FRMPD4: variants seen among roughly 807,000 people sequenced by gnomAD.
The protein encoded by FRMPD4 is FERM and PDZ domain-containing protein 4.
In FRMPD4, 22 loss-of-function variants were observed where a neutral mutation model predicts 94.1. The ratio of observed to expected loss-of-function variants is 0.23; its 90% CI spans 0.17 to 0.33. The LOEUF (loss-of-function observed/expected upper bound fraction) is 0.33. FRMPD4 is among the 10% of genes least tolerant of loss of function. The probability of loss-of-function intolerance (pLI) is 1.00; values close to 1 mark genes in which losing one functional copy is unlikely to be tolerated. For synonymous variants in FRMPD4, 631 were observed against 548.6 expected, an observed-to-expected ratio of 1.15 and a Z score of -2.10; for missense variants, 1,111 against 1,339.9, an observed-to-expected ratio of 0.83 and a Z score of 2.67.
chrX:12,413,513 G>A (rs773119014), intron 1 of FRMPD4, among the ~76,000 whole-genome samples: 8 of 112,028 alleles, frequency 7.1e-5, no homozygotes, highest in Admixed American at 2.8e-4. Flanking sequence ...CAAAGGCAAA[G>A]GAAGAGGCAG....
At chrX:12,444,024 G>A (rs2057167328) in intron 1 of FRMPD4, among the ~76,000 whole-genome samples, 2 of 111,234 alleles carry the variant, frequency 1.8e-5, no homozygotes, top group Admixed American at 1.9e-4. Context: ...CTGTCCACCT[G>A]ATGGTTTTCG....
chrX:12,062,367 A>C (rs912049941), intron 3 of FRMPD4, among the ~76,000 whole-genome samples: 17 of 112,311 alleles, frequency 1.5e-4, no homozygotes, highest in Non-Finnish European at 2.8e-4. Flanking sequence ...CAATTTTCTC[A>C]ATATTGAGTC....
chrX:12,288,552 G>A, intron 1 of FRMPD4, among the ~76,000 whole-genome samples: 1 of 111,348 alleles, frequency 9.0e-6, no homozygotes, highest in Non-Finnish European at 1.9e-5. Flanking sequence ...AGGAAGAAAT[G>A]AGAAAGCTTC....
At chrX:11,901,651 G>A (rs1245398313) in intron 3 of FRMPD4, among the ~76,000 whole-genome samples, 1 of 112,015 alleles carries the variant, frequency 8.9e-6, no homozygotes, top group Non-Finnish European at 1.9e-5. Context: ...TCCACTTTTA[G>A]TTCCTTAAGG....
chrX:12,188,816 T>C (rs747729340), intron 1 of FRMPD4, among the ~76,000 whole-genome samples: 9 of 111,669 alleles, frequency 8.1e-5, no homozygotes, highest in Non-Finnish European at 1.7e-4. Context: ...CATCAAATTA[T>C]AGCATTCAAG....
chrX:12,416,183 G>T (rs4373695), intron 1 of FRMPD4, among the ~76,000 whole-genome samples: 1 of 105,653 alleles, frequency 9.5e-6, no homozygotes, highest in African/African-American at 3.4e-5. Context: ...TACCTCTTCC[G>T]CCCTTCCTCC....
chrX:12,501,089 G>A (rs928484560), intron 2 of FRMPD4, among the ~76,000 whole-genome samples: 3 of 112,102 alleles, frequency 2.7e-5, no homozygotes, highest in Admixed American at 9.4e-5. Context: ...TTCTGGGAAC[G>A]TCAGCTAGCT....
At position 12,704,409 on chromosome X, in the gene FRMPD4, T is replaced by C; in HGVS notation, c.1121T>C (p.Met374Thr). ...CTTCCCTCTGCTGTGCTGCAAAGCA[T>C]GAAAGAGAAGAACATAAAGAAAGCA... ...TFLPSAVLQS[M>T]KEKNIKKALS... Residue 374 changes from methionine (M) to threonine (T), a missense_variant, in exon 11 of 17, where the codon ATG (methionine) becomes ACG (threonine). Physicochemically the swap from Met to Thr is moderately conservative, Grantham distance 81. Coordinates refer to ENST00000675598, the MANE Select transcript of FRMPD4 (RefSeq NM_001368397.1). 1.7e-6 allele frequency: 2 copies of C among 1,186,504 alleles called. No homozygotes were observed. Among genetic ancestry groups the C allele is most frequent in the Non-Finnish European group, 1.1e-6 (1 of 875,427 alleles).
intron 1 of FRMPD4, among the ~76,000 whole-genome samples, chrX:12,431,999 G>T (rs2057015636): frequency 1.8e-5 from 2 of 112,146 alleles, no homozygotes; most frequent in South Asian, 7.4e-4. Context: ...GAGAGAACCA[G>T]AGCCCCTCCC....
chrX:12,243,141 C>CA (rs756060331), intron 1 of FRMPD4, among the ~76,000 whole-genome samples: 1 of 112,365 alleles, frequency 8.9e-6, no homozygotes, highest in South Asian at 3.7e-4. Context: ...CTTGGTCTCT[C>CA]AGAGTGTTGG....
At chrX:12,536,291 T>C (rs1296319585) in intron 2 of FRMPD4, among the ~76,000 whole-genome samples, 1 of 109,532 alleles carries the variant, frequency 9.1e-6, no homozygotes, top group East Asian at 2.8e-4. Flanking sequence ...ATATTCAGCA[T>C]TGAGCTTCCA....
intron 3 of FRMPD4, among the ~76,000 whole-genome samples, chrX:11,974,021 T>C (rs1357880542): frequency 3.6e-5 from 4 of 111,870 alleles, no homozygotes; most frequent in Non-Finnish European, 5.6e-5. Context: ...CCTAGCGATC[T>C]GGAGTGAGTG....
chrX:12,717,910 A>T lies in FRMPD4; in HGVS notation c.3084A>T (p.Lys1028Asn). 1 of 1,212,012 alleles carries T rather than the reference A, an allele frequency of 8.3e-7. No individual in the cohort carries two copies. The highest frequency in any genetic ancestry group is 1.1e-6 in the Non-Finnish European group (1 of 895,509). The change falls in exon 16 of 17, where the codon AAA (lysine) becomes AAT (asparagine). Residue 1028 changes from lysine (K) to asparagine (N), a missense_variant. Around this residue, in one of 8 missense-constraint regions of FRMPD4, gnomAD observed 551 missense variants for 591.6 expected, o/e 0.93. Transcript: ENST00000675598. The part of the protein sequence containing the change: ...SVAYSCTSKR[K>N]SKLADGEGKA... ...CATACTCCTGCACTAGCAAAAGGAA[A>T]AGCAAGCTGGCCGATGGTGAGGGGA...
At chrX:11,854,195 A>G (rs1047226260) in intron 1 of FRMPD4, among the ~76,000 whole-genome samples, 7 of 111,220 alleles carry the variant, frequency 6.3e-5, no homozygotes, top group Admixed American at 5.7e-4. Flanking sequence ...ACTCCCTATC[A>G]TGAGAAAGAA....
chrX:12,273,239 C>T (rs1175059538), intron 1 of FRMPD4, among the ~76,000 whole-genome samples: 1 of 111,518 alleles, frequency 9.0e-6, no homozygotes, highest in Non-Finnish European at 1.9e-5. Flanking sequence ...AAAATGAACG[C>T]CTTAAAAAGC....
chrX:11,893,537 C>G (rs2053886263), intron 3 of FRMPD4, among the ~76,000 whole-genome samples: 1 of 111,750 alleles, frequency 8.9e-6, no homozygotes, highest in African/African-American at 3.3e-5. Context: ...ATAATATAAG[C>G]CAATATAAAT....
At chrX:11,897,327 C>A (rs988460572) in intron 3 of FRMPD4, among the ~76,000 whole-genome samples, 1 of 110,326 alleles carries the variant, frequency 9.1e-6, no homozygotes, top group African/African-American at 3.3e-5. Flanking sequence ...GTGGGGTTGT[C>A]TAAATTTGTT....
Position 12,160,959 on chromosome X carries a change from C to T in FRMPD4, c.41+21947C>T, listed in dbSNP as rs756289267. On this transcript the variant is annotated intron_variant, in intron 1 of 16. Coordinates refer to ENST00000675598, the MANE Select transcript of FRMPD4 (RefSeq NM_001368397.1). The stretch of plus-strand genomic sequence containing the variant: ...ATTAATATTAGCATTAATATTGTTA[C>T]TTAATTCTACAATTTTACTAACACT... 4.5e-5 allele frequency among the ~76,000 whole-genome samples: 5 copies of T among 110,822 alleles called. No individual in the cohort carries two copies. The East Asian group carries it at 1.4e-3, about 31-fold the overall frequency.
At chrX:11,830,597 A>G (rs899994674) in intron 1 of FRMPD4, among the ~76,000 whole-genome samples, 1 of 112,279 alleles carries the variant, frequency 8.9e-6, no homozygotes, top group African/African-American at 3.2e-5. Context: ...AGTAAGCTCC[A>G]CAACATAAGT....
Sources: gnomAD v4.1 joint callset for allele counts (sites outside exome capture counted in the v4.1 genomes callset) on GRCh38, gnomAD v4.1.1 for gene constraint, gnomAD v4.1.1 regional missense constraint, MANE v1.5 for transcripts, NCBI Gene and HGNC (gene_info 2026-07-23, HGNC 2026-07-21) for gene names.